Variants in NOL4 observed in about 807,000 individuals in gnomAD.
NOL4 encodes cancer/testis antigen 125.
NOL4 carries 17 observed loss-of-function variants against 75.9 expected under a neutral mutation model. The observed-to-expected ratio is 0.22, with a 90% CI of 0.15 to 0.34. The LOEUF is 0.34. NOL4 is among the 10% of genes least tolerant of loss of function. The pLI is 1.00. For synonymous variants in NOL4, 292 were observed against 289.9 expected, an observed-to-expected ratio of 1.01 and a Z score of -0.07; for missense variants, 614 against 793.5, an observed-to-expected ratio of 0.77 and a Z score of 2.72.
chr18:33,991,368 C>G (rs2072902706), intron 6 of NOL4, among the ~76,000 whole-genome samples: 1 of 151,974 alleles, frequency 6.6e-6, no homozygotes, highest in South Asian at 2.1e-4. Context: ...CACATTGCTT[C>G]AAAATATAAT....
intron 2 of NOL4, among the ~76,000 whole-genome samples, chr18:34,122,607 A>G (rs1029755970): frequency 1.3e-5 from 2 of 152,272 alleles, no homozygotes; most frequent in Admixed American, 1.3e-4. Context: ...CTACAAAATA[A>G]TAACATGCCA....
chr18:34,168,654 G>A (rs1487963813), intron 1 of NOL4, among the ~76,000 whole-genome samples: 1 of 151,276 alleles, frequency 6.6e-6, no homozygotes, highest in South Asian at 2.1e-4. Flanking sequence ...GAGTTCAAAA[G>A]AAAAAAATTA....
intron 9 of NOL4, among the ~76,000 whole-genome samples, chr18:33,934,274 A>C (rs970459430): frequency 6.6e-6 from 1 of 152,120 alleles, no homozygotes; most frequent in African/African-American, 2.4e-5. Flanking sequence ...CAGGCAGAGT[A>C]GATTTTCATG....
chr18:33,883,770 C>A (rs115468447), intron 9 of NOL4, among the ~76,000 whole-genome samples: 1 of 152,006 alleles, frequency 6.6e-6, no homozygotes, highest in African/African-American at 2.4e-5. Flanking sequence ...AAATAGAATA[C>A]TATACAGCTT....
chr18:33,913,029 C>T (rs2066499778), intron 9 of NOL4, among the ~76,000 whole-genome samples: 3 of 151,880 alleles, frequency 2.0e-5, no homozygotes, highest in Non-Finnish European at 4.4e-5. Flanking sequence ...TTTACGGGTG[C>T]CAAAGTTAGG....
At chr18:34,205,845 A>G (rs1456392726) in intron 1 of NOL4, among the ~76,000 whole-genome samples, 2 of 152,160 alleles carry the variant, frequency 1.3e-5, no homozygotes, top group Non-Finnish European at 2.9e-5. Flanking sequence ...GGAATTAACA[A>G]AATTAATTCA....
At chr18:34,003,916 A>G (rs2073885020) in intron 6 of NOL4, among the ~76,000 whole-genome samples, 1 of 152,064 alleles carries the variant, frequency 6.6e-6, no homozygotes, top group Non-Finnish European at 1.5e-5. Context: ...TTTGGAATTC[A>G]GGCACAGCTG....
At chr18:33,933,484 GC>G (rs1239846388) in intron 9 of NOL4, among the ~76,000 whole-genome samples, 4 of 152,036 alleles carry the variant, frequency 2.6e-5, no homozygotes, top group Non-Finnish European at 5.9e-5. Flanking sequence ...ATAGTATTTT[GC>G]CCATAGTAGA....
intron 8 of NOL4, among the ~76,000 whole-genome samples, chr18:33,955,040 A>G (rs992364308): frequency 2.1e-5 from 3 of 144,598 alleles, no homozygotes; most frequent in African/African-American, 7.3e-5. Context: ...AGCAAGTGGA[A>G]AATTCAAACA....
chr18:34,119,095 A>T (rs76056361), intron 2 of NOL4, among the ~76,000 whole-genome samples: 1 of 152,210 alleles, frequency 6.6e-6, no homozygotes, highest in African/African-American at 2.4e-5. Flanking sequence ...TCAGGACTCA[A>T]AAAGAAAACT....
chr18:33,878,269 T>C (rs938707706), intron 10 of NOL4, among the ~76,000 whole-genome samples: 1 of 152,136 alleles, frequency 6.6e-6, no homozygotes, highest in African/African-American at 2.4e-5. Flanking sequence ...TCTTTTCTTC[T>C]CAAAATACTC....
chr18:34,122,959 T>G (rs146558608), intron 2 of NOL4, among the ~76,000 whole-genome samples: 18 of 152,272 alleles, frequency 1.2e-4, no homozygotes, highest in African/African-American at 4.3e-4. Context: ...ACTAAAGTAG[T>G]AATTTACTAG....
chr18:33,889,491 T>C (rs2064969259), intron 9 of NOL4, among the ~76,000 whole-genome samples: 2 of 152,106 alleles, frequency 1.3e-5, no homozygotes, highest in Non-Finnish European at 2.9e-5. Flanking sequence ...CTTCTGAAAC[T>C]ATTTCAATCA....
chr18:33,896,443 T>C (rs756721390), intron 9 of NOL4, among the ~76,000 whole-genome samples: 47 of 152,090 alleles, frequency 3.1e-4, no homozygotes, highest in Non-Finnish European at 5.9e-4. Flanking sequence ...ACATAGACCA[T>C]TGGAGCAAAA....
intron 6 of NOL4, among the ~76,000 whole-genome samples, chr18:34,018,919 ACTTTAT>A (rs1270616461): frequency 6.6e-6 from 1 of 152,172 alleles, no homozygotes; most frequent in Non-Finnish European, 1.5e-5. Flanking sequence ...TTTAATTGAA[ACTTTAT>A]CTTTACTTAC....
intron 6 of NOL4, among the ~76,000 whole-genome samples, chr18:33,987,303 G>T (rs2072539502): frequency 6.6e-6 from 1 of 152,034 alleles, no homozygotes; most frequent in South Asian, 2.1e-4. Context: ...TACAGCAGTT[G>T]GAAAGTGACC....
intron 8 of NOL4, among the ~76,000 whole-genome samples, chr18:33,944,454 G>A (rs1210776816): frequency 1.3e-5 from 2 of 151,846 alleles, no homozygotes; most frequent in Non-Finnish European, 2.9e-5. Flanking sequence ...GACCTTGGGT[G>A]AACTAGGAAG....
chr18:33,879,820 A>G (rs775341608), intron 10 of NOL4, among the ~76,000 whole-genome samples: 3 of 152,096 alleles, frequency 2.0e-5, no homozygotes, highest in Non-Finnish European at 2.9e-5. Context: ...AGTGCACTAA[A>G]TAGCCTTGAG....
At chr18:34,172,966 T>C (rs1342727201) in intron 1 of NOL4, among the ~76,000 whole-genome samples, 1 of 152,098 alleles carries the variant, frequency 6.6e-6, no homozygotes, top group African/African-American at 2.4e-5. Context: ...TCTTTCAATG[T>C]TGTTGAATTT....
Sources: gnomAD v4.1 joint callset for allele counts (sites outside exome capture counted in the v4.1 genomes callset) on GRCh38, gnomAD v4.1.1 for gene constraint, MANE v1.5 for transcripts, NCBI Gene and HGNC (gene_info 2026-07-23, HGNC 2026-07-21) for gene names.